IL17RA: variants seen among roughly 807,000 people sequenced by gnomAD.
IL17RA encodes interleukin 17 receptor A.
A neutral mutation model predicts 50.4 loss-of-function variants in IL17RA; 34 were observed. The ratio of observed to expected loss-of-function variants is 0.67; its 90% confidence interval spans 0.51 to 0.90. The LOEUF (loss-of-function observed/expected upper bound fraction) is 0.90, where lower values mean the gene tolerates loss of function less well. IL17RA is among the 40% of genes least tolerant of loss of function. The probability of loss-of-function intolerance (pLI) is 0.00; values close to 1 mark genes in which losing one functional copy is unlikely to be tolerated. For synonymous variants in IL17RA, 585 were observed against 510.4 expected, an observed-to-expected ratio of 1.15 and a Z score of -1.97; for missense variants, 1,276 against 1,169.8, an observed-to-expected ratio of 1.09 and a Z score of -1.32.
intron 1 of IL17RA, among the ~76,000 whole-genome samples, chr22:17,094,689 CTCTATATATA>C (rs2061361707): frequency 2.5e-5 from 1 of 39,310 alleles, no homozygotes; most frequent in Admixed American, 2.5e-4. Context: ...CTCTCTCTCT[CTCTATATATA>C]TATATATATA....
intron 1 of IL17RA, chr22:17,093,750 G>C: frequency 5.2e-6 from 1 of 193,286 alleles, no homozygotes; most frequent in Non-Finnish European, 1.1e-5. Flanking sequence ...AGTATGGAAC[G>C]TTCCTTATTC....
chr22:17,105,899 CCTG>C lies in IL17RA; in HGVS notation c.994_996del (p.Leu332del). The C allele has an allele frequency of 6.2e-7, 1 of 1,614,218 alleles. No homozygotes were observed. The highest frequency in any genetic ancestry group is 8.5e-7 in the Non-Finnish European group (1 of 1,180,034). ...ACTGGTTCATCACGGGCATCTCCAT[CCTG>C]CTGGTGGGCTCCGTCATCCTGCTCA... is the stretch of plus-strand genomic sequence containing the variant. On this transcript the variant is annotated inframe_deletion, in exon 11 of 13. Coordinates refer to ENST00000319363, the MANE Select transcript of IL17RA (RefSeq NM_014339.7).
intron 1 of IL17RA, among the ~76,000 whole-genome samples, chr22:17,086,922 C>T (rs755059985): frequency 2.6e-5 from 4 of 152,156 alleles, no homozygotes; most frequent in Non-Finnish European, 5.9e-5. Flanking sequence ...CTGTGCGTGG[C>T]GTGGGAGCCA....
chr22:17,092,061 A>G (rs5746992), intron 1 of IL17RA, among the ~76,000 whole-genome samples: 127,500 of 152,026 alleles, frequency 0.84, 54,156 homozygotes, highest in African/African-American at 0.95. Flanking sequence ...GTTTAGCCCC[A>G]CCCCTTTACC....
intron 7 of IL17RA, 103 bp downstream of exon 7, chr22:17,102,405 C>T: frequency 4.7e-6 from 6 of 1,276,018 alleles, no homozygotes; most frequent in South Asian, 1.2e-5. Context: ...GCTAGAAGCT[C>T]GCGACTCAGG....
chr22:17,103,751 GGT>G (rs1356207732), intron 8 of IL17RA, among the ~76,000 whole-genome samples, 174 bp downstream of exon 8: 7 of 140,400 alleles, frequency 5.0e-5, no homozygotes, highest in African/African-American at 1.6e-4. Context: ...TGGAGAGTGT[GGT>G]GTGTCTGGGA....
intron 3 of IL17RA, 92 bp downstream of exon 3, chr22:17,098,035 G>C: frequency 6.8e-7 from 1 of 1,479,276 alleles, no homozygotes; most frequent in Admixed American, 1.7e-5. Context: ...CCAGTCCTGT[G>C]CTCAGACATG....
At chr22:17,102,422 C>T in intron 7 of IL17RA, 120 bp downstream of exon 7, 2 of 1,084,314 alleles carry the variant, frequency 1.8e-6, no homozygotes, top group Admixed American at 3.4e-5. Flanking sequence ...CAGGGCTGTG[C>T]TTAGTCCATA....
At chr22:17,103,453 C>A in intron 7 of IL17RA, 41 bp from the exon 8 acceptor site, 2 of 1,553,074 alleles carry the variant, frequency 1.3e-6, no homozygotes, top group South Asian at 1.1e-5. Flanking sequence ...CTAGCCTTAC[C>A]CATCCCAACT....
In IL17RA at chr22:17,112,662, G is replaced by A. The variant is rs1354556192; in HGVS notation, c.*2842G>A. 6.6e-6 allele frequency: 1 copy of A among 152,206 alleles called. No homozygotes were observed. Among genetic ancestry groups the A allele is most frequent in the Non-Finnish European group, 1.5e-5 (1 of 68,054 alleles). The allele number at this position is 152,206 out of a possible 1,614,324, so 9.4% of individuals were successfully genotyped here. On this transcript the variant is annotated 3_prime_UTR_variant, in exon 13 of 13. Transcript: ENST00000319363. Reference sequence around the variant, plus strand: ...AATGCTATTAATTCCATCACTCTGAGTATGGTGTTTGCTGTCCGCTGAATG... The same window carrying A: ...AATGCTATTAATTCCATCACTCTGAATATGGTGTTTGCTGTCCGCTGAATG...
At chr22:17,104,958 G>A (rs2061408261) in intron 9 of IL17RA, 148 bp downstream of exon 9, 8 of 773,566 alleles carry the variant, frequency 1.0e-5, no homozygotes, top group Non-Finnish European at 1.8e-5. Flanking sequence ...GAAGTGTGGA[G>A]TGGGGCTTTA....
rs763495413 is a variant in IL17RA at position 17,108,926 on chromosome 22, C to T, written c.1707C>T (p.Ala569=). The T allele has an allele frequency of 5.6e-6, 9 of 1,611,782 alleles. No homozygotes were observed. The highest frequency in any genetic ancestry group is 1.3e-5 in the African/African-American group (1 of 75,056). ...GCCCGGGCGGCAGGCAGCTCCGCGC[C>T]GCCCTGGACAGGTTCCGGGACTGGC... ...LRSPGGRQLR[A]ALDRFRDWQV... is the part of the protein sequence containing the mutation. Residue 569 remains alanine, a synonymous_variant, in exon 13 of 13, where the codon GCC becomes GCT. Coordinates refer to ENST00000319363, the MANE Select transcript of IL17RA (RefSeq NM_014339.7).
rs551693587 is a variant in IL17RA, at chr22:17,085,050, G to A, written c.-42G>A. ...AAGCCTCAGAACGTTCGTTCGCTGC[G>A]TCCCCAGCCGGGGCCGAGCCCTCCG... On this transcript the variant is annotated 5_prime_UTR_variant, in exon 1 of 13. Transcript: ENST00000319363. 47 of 1,289,290 alleles carry A rather than the reference G, an allele frequency of 3.6e-5. No individual in the cohort carries two copies. In the South Asian group the frequency reaches 9.6e-4, roughly 26 times the overall value. The allele number at this position is 1,289,290 out of a possible 1,614,324, so 79.9% of individuals were successfully genotyped here. A position where few individuals can be genotyped will look rare whatever the true frequency, so the allele number is the denominator to read the frequency against.
intron 4 of IL17RA, among the ~76,000 whole-genome samples, chr22:17,100,003 C>G (rs560612088): frequency 6.6e-6 from 1 of 152,168 alleles, no homozygotes; most frequent in African/African-American, 2.4e-5. Context: ...TCTCCATAGC[C>G]CCAAGTCCCC....
At position 17,112,872 on chromosome 22, in the gene IL17RA, A is replaced by C. The variant is rs1289724054; in HGVS notation, c.*3052A>C. 6.6e-6 allele frequency: 1 copy of C among 152,186 alleles called. No homozygotes were observed. The highest frequency in any genetic ancestry group is 1.5e-5 in the Non-Finnish European group (1 of 68,036). 9.4% of individuals were successfully genotyped at this position (152,186 alleles called of 1,614,324 possible). A position where few individuals can be genotyped will look rare whatever the true frequency, so the allele number is the denominator to read the frequency against. On this transcript the variant is annotated 3_prime_UTR_variant, in exon 13 of 13. Transcript: ENST00000319363. ...CAGAGGTGGTTCCGGTTGGGAAAGA[A>C]GCAGCGGAGCATCTAACCATGCCTG...
rs2061437990 is a variant in IL17RA at position 17,110,657 on chromosome 22, C to CA, written c.*838dup. ...CAGCCTGGGCGACATAGTGAGACCT[C>CA]ATCTCTACCTAAATTTTTTTTTAGT... On this transcript the variant is annotated 3_prime_UTR_variant, in exon 13 of 13. Coordinates refer to ENST00000319363, the MANE Select transcript of IL17RA (RefSeq NM_014339.7). 1 of 151,728 alleles carries CA rather than the reference C, an allele frequency of 6.6e-6. No homozygotes were observed. The highest frequency in any genetic ancestry group is 6.6e-5 in the Admixed American group (1 of 15,204). The allele number at this position is 151,728 out of a possible 1,614,324, so 9.4% of individuals were successfully genotyped here.
At chr22:17,103,153 GAAAT>G (rs1012995964) in intron 7 of IL17RA, among the ~76,000 whole-genome samples, 5 of 152,096 alleles carry the variant, frequency 3.3e-5, no homozygotes, top group East Asian at 1.9e-4. Flanking sequence ...TAAAAAAAAA[GAAAT>G]AAAGGTAATA....
chr22:17,100,803 CA>C (rs2061388277), intron 5 of IL17RA, among the ~76,000 whole-genome samples: 1 of 152,208 alleles, frequency 6.6e-6, no homozygotes, highest in Non-Finnish European at 1.5e-5. Context: ...AGGCAAGCCA[CA>C]AGCCACTCGT....
chr22:17,108,576 G>A lies in IL17RA; in HGVS notation c.1357G>A (p.Ala453Thr), dbSNP rs772844479. The change falls in exon 13 of 13, where the codon GCC becomes ACC. Residue 453 changes from alanine to threonine, a missense_variant. Physicochemically the swap from Ala to Thr is moderately conservative, Grantham distance 58 (BLOSUM62 0). Transcript: ENST00000319363. ...CGTCCTGTGCTCCCGCGGCACGCGCGCCAAGTGGCAGGCGCTCCTGGGCCG... is the reference window on the plus strand; with the variant it reads ...CGTCCTGTGCTCCCGCGGCACGCGCACCAAGTGGCAGGCGCTCCTGGGCCG... ...IIVLCSRGTR[A>T]KWQALLGRGA... 2.5e-6 allele frequency: 4 copies of A among 1,606,222 alleles called. No homozygotes were observed. In the African/African-American group the frequency reaches 4.0e-5, roughly 16 times the overall value.
Sources: allele counts gnomAD v4.1 joint callset (sites outside exome capture counted in the v4.1 genomes callset), GRCh38; gene constraint gnomAD v4.1.1; transcripts MANE v1.5; gene names NCBI Gene and HGNC (gene_info 2026-07-23, HGNC 2026-07-21).